Variants in ANK2 observed in about 807,000 individuals in gnomAD.
ANK2 encodes the protein ankyrin 2.
ANK2 carries 83 observed loss-of-function variants against 360.5 expected under a neutral mutation model. The ratio of observed to expected loss-of-function variants is 0.23; its 90% CI spans 0.19 to 0.28. The LOEUF (loss-of-function observed/expected upper bound fraction) is 0.28, where lower values mean the gene tolerates loss of function less well. ANK2 is among the 10% of genes least tolerant of loss of function. ANK2 has a pLI of 1.00. For synonymous variants in ANK2, 1,740 were observed against 1,759.5 expected (o/e 0.99, Z 0.28); for missense variants, 4,201 against 4,795.7 (o/e 0.88, Z 3.66).
chr4:112,995,206 G>C (rs947203887), intron 2 of ANK2, among the ~76,000 whole-genome samples: 14 of 152,162 alleles, frequency 9.2e-5, no homozygotes, highest in African/African-American at 3.1e-4. Context: ...CACAGCGGCT[G>C]CACTAATTTA....
intron 1 of ANK2, among the ~76,000 whole-genome samples, chr4:113,130,233 C>T (rs1325061157): frequency 1.3e-5 from 2 of 152,170 alleles, no homozygotes; most frequent in Non-Finnish European, 2.9e-5. Flanking sequence ...CTACACCTAA[C>T]GAATCTCTCC....
intron 17 of ANK2, 24 bp downstream of exon 17, chr4:113,278,582 A>C (rs778901728): frequency 6.2e-7 from 1 of 1,605,042 alleles, no homozygotes. Flanking sequence ...AAAAGGATTT[A>C]CAGGCATAGG....
the ANK2 span, among the ~76,000 whole-genome samples, chr4:112,768,496 C>T: frequency 2.0e-5 from 3 of 151,910 alleles, no homozygotes; most frequent in Non-Finnish European, 2.9e-5. Flanking sequence ...TCAAGCAATC[C>T]GCCCACCGAG....
At chr4:112,832,071 C>T (rs1401471098) in intron 1 of ANK2, among the ~76,000 whole-genome samples, 1 of 152,180 alleles carries the variant, frequency 6.6e-6, no homozygotes, top group African/African-American at 2.4e-5. Context: ...ATTCCGGACA[C>T]AAGATGGTCT....
At chr4:112,994,130 A>G (rs2047755827) in intron 2 of ANK2, among the ~76,000 whole-genome samples, 2 of 152,386 alleles carry the variant, frequency 1.3e-5, no homozygotes, top group South Asian at 4.1e-4. Flanking sequence ...ATGGAGCACT[A>G]CTACATTAAT....
chr4:112,996,506 A>G (rs948318796), intron 2 of ANK2, among the ~76,000 whole-genome samples: 1 of 152,216 alleles, frequency 6.6e-6, no homozygotes, highest in Admixed American at 6.5e-5. Context: ...TAATAGGAAC[A>G]GCACCTTTTA....
At chr4:113,162,159 C>G (rs576957147) in intron 1 of ANK2, among the ~76,000 whole-genome samples, 1 of 152,240 alleles carries the variant, frequency 6.6e-6, no homozygotes, top group East Asian at 1.9e-4. Flanking sequence ...CAACTTTTCC[C>G]TAGTTTCTCC....
intron 2 of ANK2, among the ~76,000 whole-genome samples, chr4:112,995,295 A>G (rs895739955): frequency 6.6e-6 from 1 of 152,170 alleles, no homozygotes; most frequent in African/African-American, 2.4e-5. Flanking sequence ...ATTTTTAATC[A>G]TAGCCATTCT....
At position 113,343,196 on chromosome 4, in the gene ANK2, T is replaced by G. The variant is rs564848317; in HGVS notation, c.4248+54T>G. On this transcript the variant is annotated intron_variant, in intron 34 of 45. Coordinates refer to ENST00000357077, the MANE Select transcript of ANK2 (RefSeq NM_001148.6). ...ATTTTTTTCAAGATCAAGGCAGAAT[T>G]TGACTTCCTTTAGTAATAGAAAATT... 157 of 1,589,158 alleles carry G rather than the reference T, an allele frequency of 9.9e-5. 2 individuals are homozygous for G. Among genetic ancestry groups the G allele is most frequent in the Middle Eastern group, 7.9e-4 (4 of 5,078 alleles).
intron 22 of ANK2, among the ~76,000 whole-genome samples, chr4:113,301,341 AT>A (rs1157304199): frequency 6.6e-6 from 1 of 151,612 alleles, no homozygotes; most frequent in Non-Finnish European, 1.5e-5. Context: ...GCAAATAAAA[AT>A]TGTACATATT....
At chr4:113,203,592 A>G (rs776299938) in intron 4 of ANK2, among the ~76,000 whole-genome samples, 2 of 152,196 alleles carry the variant, frequency 1.3e-5, no homozygotes, top group African/African-American at 4.8e-5. Flanking sequence ...CTCTTTATGT[A>G]TAAGTCTTAG....
chr4:112,931,433 CTTT>C (rs59802557), intron 2 of ANK2, among the ~76,000 whole-genome samples: 110 of 85,256 alleles, frequency 1.3e-3, no homozygotes, highest in South Asian at 7.7e-3. Context: ...TCTTTCTTTT[CTTT>C]TTTTTTTTTT....
the ANK2 span, among the ~76,000 whole-genome samples, chr4:112,713,933 C>CAA: frequency 4.6e-4 from 50 of 108,398 alleles, 1 homozygote; most frequent in South Asian, 6.8e-4. Flanking sequence ...GACTCCGTCT[C>CAA]AAAAAAAAAA....
At chr4:113,226,409 T>G (rs2099222476) in intron 4 of ANK2, among the ~76,000 whole-genome samples, 1 of 152,228 alleles carries the variant, frequency 6.6e-6, no homozygotes. Context: ...ACGGTGTTCC[T>G]TCTCTTTCAA....
At chr4:112,853,181 G>T in intron 1 of ANK2, among the ~76,000 whole-genome samples, 1 of 152,004 alleles carries the variant, frequency 6.6e-6, no homozygotes, top group East Asian at 1.9e-4. Flanking sequence ...GGATTCTCCT[G>T]CCTCCGCCTC....
At position 112,827,608 on chromosome 4, in the gene ANK2, C is replaced by A. The variant is rs1323601582; in HGVS notation, c.-40+9344C>A. 4.5e-6 allele frequency: 4 copies of A among 889,528 alleles called. No homozygotes were observed. In the East Asian group the frequency reaches 9.6e-5, roughly 21 times the overall value. The allele number at this position is 889,528 out of a possible 1,614,324, so 55.1% of individuals were successfully genotyped here. On this transcript the variant is annotated intron_variant, in intron 1 of 30. Transcript: ENST00000503271. ...TCTATACCTGGCCCTTCTGAAGGGA[C>A]CACTCTACTCTCCATCCAGATCCTT...
At chr4:112,858,171 T>C (rs1471230014) in intron 1 of ANK2, among the ~76,000 whole-genome samples, 1 of 152,164 alleles carries the variant, frequency 6.6e-6, no homozygotes, top group Admixed American at 6.5e-5. Flanking sequence ...GATTCATCAG[T>C]TCTAGTATCC....
intron 2 of ANK2, among the ~76,000 whole-genome samples, chr4:112,933,503 C>CT (rs530916525): frequency 0.13 from 19,177 of 143,834 alleles, 1,377 homozygotes; most frequent in Admixed American, 0.23. Context: ...CAGTCTAATT[C>CT]TTTTTTTTTT....
chr4:112,983,583 G>A (rs1055474127), intron 2 of ANK2, among the ~76,000 whole-genome samples: 1 of 152,018 alleles, frequency 6.6e-6, no homozygotes, highest in African/African-American at 2.4e-5. Flanking sequence ...GCTGAGGCAG[G>A]AGAATTGCTT....
Sources: gnomAD v4.1 joint callset for allele counts (sites outside exome capture counted in the v4.1 genomes callset) on GRCh38, gnomAD v4.1.1 for gene constraint, MANE v1.5 for transcripts, NCBI Gene and HGNC (gene_info 2026-07-23, HGNC 2026-07-21) for gene names.